Variants in MDM1 observed in about 807,000 individuals in gnomAD.
MDM1 encodes the protein Mdm1 nuclear protein.
MDM1 carries 61 observed loss-of-function variants against 89.1 expected under a neutral mutation model. That is an observed-to-expected ratio of 0.68 (90% confidence interval 0.56 to 0.85). The LOEUF is 0.85. Among genes scored for constraint, MDM1 ranks in the 40% least tolerant of loss-of-function variants. The probability of loss-of-function intolerance (pLI) is 0.00; values close to 1 mark genes in which losing one functional copy is unlikely to be tolerated. For synonymous variants in MDM1, 290 were observed against 294.1 expected (o/e 0.99, Z 0.14); for missense variants, 820 against 846.5 (o/e 0.97, Z 0.39).
At position 68,332,304 on chromosome 12, in the gene MDM1, G is replaced by A. The variant is rs886294528; in HGVS notation, c.-59C>T. On this transcript the variant is annotated 5_prime_UTR_variant, in exon 1 of 15. Transcript: ENST00000682720. ...AGTTAACTGGAGAAAAAGCTCCGAG[G>A]GGGCGGGGCGATAACAGTGTTCCCT... The A allele has an allele frequency of 1.7e-5, 26 of 1,526,548 alleles. No individual in the cohort carries two copies. Among genetic ancestry groups the A allele is most frequent in the African/African-American group, 9.7e-5 (7 of 72,114 alleles). The allele number at this position is 1,526,548 out of a possible 1,614,324, so 94.6% of individuals were successfully genotyped here. A position where few individuals can be genotyped will look rare whatever the true frequency, so the allele number is the denominator to read the frequency against.
intron 2 of MDM1, among the ~76,000 whole-genome samples, chr12:68,329,093 A>C (rs1424683384): frequency 2.0e-5 from 3 of 152,216 alleles, no homozygotes; most frequent in Non-Finnish European, 4.4e-5. Flanking sequence ...GGCGCTCAGC[A>C]GGGTGGGATA....
intron 2 of MDM1, among the ~76,000 whole-genome samples, chr12:68,329,451 G>A (rs895652310): frequency 2.6e-4 from 39 of 152,096 alleles, no homozygotes; most frequent in Non-Finnish European, 3.2e-4. Context: ...TGCCATGCTC[G>A]CACACATCAC....
In MDM1 at chr12:68,321,569, G is replaced by A. The variant is rs150503078; in HGVS notation, c.861C>T (p.His287=). Residue 287 remains histidine, a synonymous_variant, in exon 6 of 15, where the codon CAC becomes CAT. Coordinates refer to ENST00000682720, the MANE Select transcript of MDM1 (RefSeq NM_001354969.2). ...LEAEMELKDL[H]QPKRKLTPWK... is the part of the protein sequence containing the mutation. ...AAGGAGTAAGCTTCCTTTTAGGCTG[G>A]TGTAAGTCTTTTAATTCCATCTCTG... The A allele has an allele frequency of 6.5e-4, 1,043 of 1,613,136 alleles. 12 individuals carry two copies. The African/African-American group carries it at 0.012, about 18-fold the overall frequency.
intron 3 of MDM1, chr12:68,326,432 T>C: frequency 4.1e-6 from 6 of 1,456,762 alleles, no homozygotes; most frequent in Non-Finnish European, 5.4e-6. Flanking sequence ...GTCCATCCAA[T>C]AAACAGATTA....
intron 10 of MDM1, 27 bp downstream of exon 10, chr12:68,314,921 C>T (rs1360405316): frequency 6.4e-7 from 1 of 1,568,934 alleles, no homozygotes; most frequent in African/African-American, 1.4e-5. Flanking sequence ...TAACGCTTCT[C>T]TATACTGAGT....
intron 12 of MDM1, 128 bp downstream of exon 12, chr12:68,313,315 G>GGT (rs1873955014): frequency 1.5e-6 from 1 of 682,006 alleles, no homozygotes; most frequent in Non-Finnish European, 2.4e-6. Flanking sequence ...ACTAAAAGCA[G>GGT]GTTAACAGTA....
At chr12:68,325,697 G>T in intron 3 of MDM1, 122 bp from the exon 4 acceptor site, 1 of 1,335,422 alleles carries the variant, frequency 7.5e-7, no homozygotes, top group Non-Finnish European at 9.7e-7. Context: ...AATCTACAGT[G>T]CAAAATTGTT....
intron 8 of MDM1, 133 bp from the exon 9 acceptor site, chr12:68,316,386 C>G (rs1482203148): frequency 1.9e-6 from 2 of 1,039,796 alleles, no homozygotes; most frequent in African/African-American, 1.6e-5. Context: ...TAGCCACATA[C>G]AGTCATCAGA....
intron 13 of MDM1, 88 bp downstream of exon 13, chr12:68,302,528 GATTT>G (rs879223358): frequency 7.5e-5 from 84 of 1,122,490 alleles, no homozygotes; most frequent in South Asian, 1.0e-4. Context: ...CTAAATAACT[GATTT>G]ATTAACATAA....
At chr12:68,311,172 G>A (rs1437288470) in intron 12 of MDM1, among the ~76,000 whole-genome samples, 2 of 151,858 alleles carry the variant, frequency 1.3e-5, no homozygotes, top group African/African-American at 4.8e-5. Context: ...AAAACCCTAG[G>A]TAAATCCAAC....
At chr12:68,329,758 A>G (rs551913037) in intron 2 of MDM1, among the ~76,000 whole-genome samples, 1 of 152,346 alleles carries the variant, frequency 6.6e-6, no homozygotes, top group South Asian at 2.1e-4. Context: ...GAAGAATTAA[A>G]TAAGCAGGTA....
At chr12:68,304,462 T>TA (rs2120822268) in intron 12 of MDM1, among the ~76,000 whole-genome samples, 1 of 152,344 alleles carries the variant, frequency 6.6e-6, no homozygotes, top group East Asian at 1.9e-4. Context: ...CTAGGGCTGT[T>TA]AGTCTCAACC....
At chr12:68,299,015 T>C (rs945621823) in intron 13 of MDM1, among the ~76,000 whole-genome samples, 2 of 151,992 alleles carry the variant, frequency 1.3e-5, no homozygotes, top group Non-Finnish European at 2.9e-5. Context: ...AGACTCTCTA[T>C]AACCAAAGAA....
intron 10 of MDM1, among the ~76,000 whole-genome samples, chr12:68,314,384 A>G (rs1874173624): frequency 6.6e-6 from 1 of 152,210 alleles, no homozygotes; most frequent in African/African-American, 2.4e-5. Context: ...CTGCCAAGTC[A>G]GCACCGGCAC....
intron 12 of MDM1, among the ~76,000 whole-genome samples, chr12:68,311,034 C>G (rs2120920390): frequency 6.6e-6 from 1 of 152,286 alleles, no homozygotes; most frequent in Non-Finnish European, 1.5e-5. Flanking sequence ...ATCCACCGAT[C>G]CTATCACCTC....
chr12:68,302,690 A>G lies in MDM1; in HGVS notation c.1932T>C (p.His644=), dbSNP rs754603720. Residue 644 remains histidine (H), a synonymous_variant, in exon 13 of 15, where the codon CAT becomes CAC. Coordinates refer to ENST00000682720, the MANE Select transcript of MDM1 (RefSeq NM_001354969.2). Reference sequence around the variant, plus strand: ...GAGAGGGATGCCAGTAGGATGGAACATGTGGTGGAGAAGGCAACTGTCCAG... The same window carrying G: ...GAGAGGGATGCCAGTAGGATGGAACGTGTGGTGGAGAAGGCAACTGTCCAG... ...NPPGQLPSPP[H]VPSYWHPSRR... 70 of 1,613,888 alleles carry G rather than the reference A, an allele frequency of 4.3e-5. No individual in the cohort carries two copies. The highest frequency in any genetic ancestry group is 5.8e-5 in the Non-Finnish European group (69 of 1,179,944).
At chr12:68,296,593 C>T (rs1871427391) in intron 14 of MDM1, among the ~76,000 whole-genome samples, 1 of 152,194 alleles carries the variant, frequency 6.6e-6, no homozygotes, top group African/African-American at 2.4e-5. Flanking sequence ...AATATATAGG[C>T]ATTTTTTTAA....
intron 2 of MDM1, among the ~76,000 whole-genome samples, chr12:68,328,032 C>A (rs1381948992): frequency 2.0e-5 from 3 of 152,198 alleles, no homozygotes; most frequent in Non-Finnish European, 4.4e-5. Flanking sequence ...CCGCCCCTTT[C>A]ATAATCTCCT....
intron 2 of MDM1, among the ~76,000 whole-genome samples, chr12:68,329,907 A>C (rs1294736177): frequency 6.6e-6 from 1 of 152,196 alleles, no homozygotes; most frequent in Non-Finnish European, 1.5e-5. Flanking sequence ...GCTTTGCACA[A>C]AACAGACTTG....
Sources: gnomAD v4.1 joint callset for allele counts (sites outside exome capture counted in the v4.1 genomes callset) on GRCh38, gnomAD v4.1.1 for gene constraint, MANE v1.5 for transcripts, NCBI Gene and HGNC (gene_info 2026-07-23, HGNC 2026-07-21) for gene names.